The following NOL4L variants were observed in gnomAD, a reference collection of about 807,000 sequenced individuals.
NOL4L encodes nucleolar protein 4 like.
In NOL4L, 7 loss-of-function variants were observed where a neutral mutation model predicts 64.5. The observed-to-expected ratio is 0.11, with a 90% CI of 0.06 to 0.20. The LOEUF (loss-of-function observed/expected upper bound fraction) is 0.20. Among genes scored for constraint, NOL4L ranks in the 10% least tolerant of loss-of-function variants. The pLI is 1.00. For missense variants in NOL4L, 680 were observed against 967.1 expected (o/e 0.70, Z 3.94); for synonymous variants, 413 against 401.0 (o/e 1.03, Z -0.36).
intron 1 of NOL4L, chr20:32,535,753 G>A (rs1201639136): frequency 2.0e-6 from 2 of 985,378 alleles, no homozygotes; most frequent in Non-Finnish European, 2.4e-6. Context: ...GTCTGGAATG[G>A]GTGTAGGGGG....
At chr20:32,548,807 T>A (rs1264982037) in intron 1 of NOL4L, 1 of 450,310 alleles carries the variant, frequency 2.2e-6, no homozygotes, top group Non-Finnish European at 4.4e-6. Flanking sequence ...GAGCAGAATA[T>A]CATAAACAAT....
rs774470034 is a variant in NOL4L, at chr20:32,520,939, C to T, written c.478-17G>A. 8 of 1,523,820 alleles carry T rather than the reference C, an allele frequency of 5.2e-6. No homozygotes were observed. Among genetic ancestry groups the T allele is most frequent in the Middle Eastern group, 1.7e-4 (1 of 5,918 alleles). 94.4% of individuals were successfully genotyped at this position (1,523,820 alleles called of 1,614,324 possible). A position where few individuals can be genotyped will look rare whatever the true frequency, so the allele number is the denominator to read the frequency against. ...CTCTGCGATCTGGAGGAGAGAAGAG[C>T]TTCGCTTGTTATATGGATCTGTGGG... On this transcript the variant is annotated splice_polypyrimidine_tract_variant and intron_variant, in intron 2 of 10. Transcript: ENST00000621426.
Position 32,509,726 on chromosome 20 carries a change from A to T in NOL4L, c.699+1621T>A, listed in dbSNP as rs573780443. On this transcript the variant is annotated intron_variant, in intron 4 of 10. Coordinates refer to ENST00000621426, the MANE Select transcript of NOL4L (RefSeq NM_001256798.2). ...CAGTTAGGATTTTTAACCAGATCAAATATCTGATTTGTTAGTGAGAGATCG... is the reference window on the plus strand; with the variant it reads ...CAGTTAGGATTTTTAACCAGATCAATTATCTGATTTGTTAGTGAGAGATCG... The T allele has an allele frequency of 8.0e-6, 10 of 1,253,382 alleles. No individual in the cohort carries two copies. The East Asian group carries it at 4.0e-4, about 51-fold the overall frequency. The allele number at this position is 1,253,382 out of a possible 1,614,324, so 77.6% of individuals were successfully genotyped here. A position where few individuals can be genotyped will look rare whatever the true frequency, so the allele number is the denominator to read the frequency against.
At chr20:32,487,278 T>C (rs115542423) in intron 4 of NOL4L, among the ~76,000 whole-genome samples, 1,714 of 150,562 alleles carry the variant, frequency 0.011, 39 homozygotes, top group African/African-American at 0.04. Flanking sequence ...CAAAAAAAAT[T>C]AAAGAGAGAG....
intron 5 of NOL4L, among the ~76,000 whole-genome samples, chr20:32,471,477 T>A (rs1455266793): frequency 6.6e-6 from 1 of 152,192 alleles, no homozygotes; most frequent in Non-Finnish European, 1.5e-5. Context: ...GCCATGGGAT[T>A]TGCTCTGCCA....
Position 32,445,051 on chromosome 20 carries a change from T to A in NOL4L, c.*2545A>T, listed in dbSNP as rs963755177. ...CCATCTCTAGGGCTTCAGGTGTAGTTTCACTGGAAAGGAGGAGCCCACCCA... is the reference window on the plus strand; with the variant it reads ...CCATCTCTAGGGCTTCAGGTGTAGTATCACTGGAAAGGAGGAGCCCACCCA... On this transcript the variant is annotated 3_prime_UTR_variant, in exon 11 of 11. Coordinates refer to ENST00000621426, the MANE Select transcript of NOL4L (RefSeq NM_001256798.2). 9 of 152,252 alleles carry A rather than the reference T, an allele frequency of 5.9e-5. No individual in the cohort carries two copies. The highest frequency in any genetic ancestry group is 2.2e-4 in the African/African-American group (9 of 41,470). The allele number at this position is 152,252 out of a possible 1,614,324, so 9.4% of individuals were successfully genotyped here.
chr20:32,559,591 A>G (rs1441088303), intron 1 of NOL4L, among the ~76,000 whole-genome samples: 1 of 152,210 alleles, frequency 6.6e-6, no homozygotes, highest in Non-Finnish European at 1.5e-5. Context: ...GGAGGCCTAC[A>G]CAGGGGAGGG....
At chr20:32,518,204 TGAGGATGGGG>T (rs1406360072) in intron 3 of NOL4L, among the ~76,000 whole-genome samples, 1 of 152,302 alleles carries the variant, frequency 6.6e-6, no homozygotes, top group Non-Finnish European at 1.5e-5. Flanking sequence ...GCATTGTGTC[TGAGGATGGGG>T]GAGGATGGGT....
At chr20:32,551,789 TTTA>T (rs2018806205) in intron 1 of NOL4L, among the ~76,000 whole-genome samples, 1 of 152,018 alleles carries the variant, frequency 6.6e-6, no homozygotes, top group Non-Finnish European at 1.5e-5. Flanking sequence ...CTTAACTGTA[TTTA>T]TTATTTTTTT....
In NOL4L at chr20:32,464,938, C is replaced by T; in HGVS notation, c.842-8543G>A. 2 of 516,410 alleles carry T rather than the reference C, an allele frequency of 3.9e-6. No homozygotes were observed. The highest frequency in any genetic ancestry group is 7.1e-6 in the Non-Finnish European group (2 of 282,350). 32.0% of individuals were successfully genotyped at this position (516,410 alleles called of 1,614,324 possible). A position where few individuals can be genotyped will look rare whatever the true frequency, so the allele number is the denominator to read the frequency against. ...TGTATTGCACACCTGTCTGCACTAG[C>T]CTTTTCCAAGGCTCAGTAGCCGTCC... On this transcript the variant is annotated intron_variant, in intron 5 of 10. Coordinates refer to ENST00000621426, the MANE Select transcript of NOL4L (RefSeq NM_001256798.2). This position sits in a 1 kb window ranked among gnomAD's most constrained non-coding sequence, Gnocchi z 5.6.
Position 32,453,663 on chromosome 20 carries a change from A to G in NOL4L, c.1218T>C (p.Asp406=), listed in dbSNP as rs75310536. ...LTVGRAPTAD[D]DDDDHDDHED... is the part of the protein sequence containing the mutation. The stretch of plus-strand genomic sequence containing the variant: ...CATGGTCATCGTGGTCATCGTCGTC[A>G]TCATCTGCCGTCGGGGCCCGGCCCA... Residue 406 remains aspartate, a synonymous_variant, in exon 7 of 11, where the codon GAT becomes GAC. Coordinates refer to ENST00000621426, the MANE Select transcript of NOL4L (RefSeq NM_001256798.2). The surrounding 1 kb of genome is among the most constrained non-coding windows in gnomAD (Gnocchi z 5.6). The G allele has an allele frequency of 1.2e-5, 19 of 1,590,644 alleles. No homozygotes were observed. The East Asian group carries it at 1.6e-4, about 14-fold the overall frequency.
intron 5 of NOL4L, among the ~76,000 whole-genome samples, chr20:32,458,208 C>G (rs1413533477): frequency 6.6e-6 from 1 of 152,216 alleles, no homozygotes; most frequent in Non-Finnish European, 1.5e-5. Context: ...CCCACAGCCA[C>G]TGGCACTCTC....
chr20:32,528,031 TGGGGA>T, intron 1 of NOL4L, 118 bp from the exon 2 acceptor site: 12 of 233,110 alleles, frequency 5.1e-5, no homozygotes, highest in Non-Finnish European at 7.1e-5. Flanking sequence ...GGTCTTGGGG[TGGGGA>T]GGGGAGGGAG....
chr20:32,474,284 C>T (rs2015232001), intron 5 of NOL4L, among the ~76,000 whole-genome samples: 1 of 152,242 alleles, frequency 6.6e-6, no homozygotes, highest in South Asian at 2.1e-4. Context: ...CTTCCCAGGC[C>T]TGCCCCTGGT....
At chr20:32,455,874 C>T (rs1206805123) in intron 6 of NOL4L, among the ~76,000 whole-genome samples, 1 of 152,180 alleles carries the variant, frequency 6.6e-6, no homozygotes, top group Non-Finnish European at 1.5e-5. Context: ...TCTACCAAGG[C>T]AGGGGCCGTC....
chr20:32,538,435 G>A (rs369621301), intron 1 of NOL4L, among the ~76,000 whole-genome samples: 3 of 150,206 alleles, frequency 2.0e-5, no homozygotes, highest in Admixed American at 6.6e-5. Flanking sequence ...CCACTGCCCC[G>A]GCCATGACCT....
rs1223547881 is a variant in NOL4L at position 32,569,431 on chromosome 20, G to A, written c.321+15139C>T. Reference sequence around the variant, plus strand: ...CAGCACTTTGGCCACAGTGTGAAGCGGGGCGGAAGTAACAGGGAGGACAAT... The same window carrying A: ...CAGCACTTTGGCCACAGTGTGAAGCAGGGCGGAAGTAACAGGGAGGACAAT... On this transcript the variant is annotated intron_variant, in intron 1 of 10. Transcript: ENST00000621426. Among the ~76,000 whole-genome samples the A allele has an allele frequency of 2.0e-5, 3 of 152,334 alleles. No individual in the cohort carries two copies. The East Asian group carries it at 5.8e-4, about 29-fold the overall frequency.
chr20:32,497,463 C>T (rs1040516045), intron 4 of NOL4L, among the ~76,000 whole-genome samples: 6 of 152,100 alleles, frequency 3.9e-5, no homozygotes, highest in Non-Finnish European at 7.4e-5. Context: ...TCAGGGGTCC[C>T]GCATTCAAAA....
chr20:32,522,976 G>A (rs1314057881), intron 2 of NOL4L, among the ~76,000 whole-genome samples: 1 of 152,184 alleles, frequency 6.6e-6, no homozygotes, highest in Non-Finnish European at 1.5e-5. Context: ...AAGGGCTCAG[G>A]GGGTCCTCCT....
Sources: allele counts gnomAD v4.1 joint callset (sites outside exome capture counted in the v4.1 genomes callset), GRCh38; gene constraint gnomAD v4.1.1; non-coding constraint Gnocchi (gnomAD v3.1); transcripts MANE v1.5; gene names NCBI Gene and HGNC (gene_info 2026-07-23, HGNC 2026-07-21).